Variants in KCNMB2 observed in about 807,000 individuals in gnomAD.
KCNMB2 encodes the protein potassium calcium-activated channel subfamily M regulatory beta subunit 2, also known as calcium-activated potassium channel subunit beta-2.
KCNMB2 carries 9 observed loss-of-function variants against 24.5 expected under a neutral mutation model. The observed-to-expected ratio is 0.37, with a 90% CI of 0.22 to 0.64. The LOEUF is 0.64. Ranked by LOEUF, KCNMB2 falls within the 30% of genes least tolerant of loss-of-function variation. The pLI is 0.63. For synonymous variants in KCNMB2, 109 were observed against 104.4 expected (o/e 1.04, Z -0.27); for missense variants, 226 against 284.3 (o/e 0.79, Z 1.47).
At chr3:178,830,865 T>C (rs910083639) in intron 4 of KCNMB2, among the ~76,000 whole-genome samples, 2 of 152,190 alleles carry the variant, frequency 1.3e-5, no homozygotes, top group South Asian at 4.1e-4. Flanking sequence ...TCTCGCATTA[T>C]GTGGCCTTTT....
intron 1 of KCNMB2, among the ~76,000 whole-genome samples, chr3:178,716,791 T>G (rs913580416): frequency 2.0e-5 from 3 of 152,138 alleles, no homozygotes; most frequent in Non-Finnish European, 4.4e-5. Flanking sequence ...GTTTTCCACA[T>G]ATATGCATAT....
At chr3:178,578,297 G>A (rs1292092006) in intron 1 of KCNMB2, among the ~76,000 whole-genome samples, 1 of 152,174 alleles carries the variant, frequency 6.6e-6, no homozygotes, top group Non-Finnish European at 1.5e-5. Flanking sequence ...AAGCAAAGGA[G>A]AAATCAATTA....
chr3:178,730,809 A>G (rs1266335118), intron 1 of KCNMB2, among the ~76,000 whole-genome samples: 1 of 151,940 alleles, frequency 6.6e-6, no homozygotes, highest in Non-Finnish European at 1.5e-5. Context: ...TCTTTCCTCA[A>G]ATCTTCACAT....
intron 1 of KCNMB2, among the ~76,000 whole-genome samples, chr3:178,734,183 C>T (rs904979974): frequency 2.6e-5 from 4 of 152,160 alleles, no homozygotes; most frequent in African/African-American, 9.7e-5. Context: ...GTTTCATATG[C>T]ACCTTATACA....
At chr3:178,614,443 A>C (rs1012071721) in intron 1 of KCNMB2, among the ~76,000 whole-genome samples, 56 of 150,590 alleles carry the variant, frequency 3.7e-4, no homozygotes, top group African/African-American at 1.3e-3. Flanking sequence ...TCATGGTGGC[A>C]GACAAGAGAA....
intron 2 of KCNMB2, among the ~76,000 whole-genome samples, chr3:178,824,030 C>A (rs529040892): frequency 5.3e-5 from 8 of 152,286 alleles, no homozygotes; most frequent in African/African-American, 1.9e-4. Context: ...CAATCCAAAG[C>A]TCCCTTCTCA....
intron 1 of KCNMB2, among the ~76,000 whole-genome samples, chr3:178,626,573 C>T (rs1292005330): frequency 6.6e-6 from 1 of 152,130 alleles, no homozygotes; most frequent in African/African-American, 2.4e-5. Context: ...TGTCCTTCTT[C>T]ACAAGGCAGC....
chr3:178,601,565 T>C (rs909698233), intron 1 of KCNMB2, among the ~76,000 whole-genome samples: 6 of 152,164 alleles, frequency 3.9e-5, no homozygotes, highest in Non-Finnish European at 7.4e-5. Flanking sequence ...ACAAGAAGTA[T>C]AGAAAAATTA....
intron 1 of KCNMB2, among the ~76,000 whole-genome samples, chr3:178,617,386 A>G (rs1718744588): frequency 6.7e-6 from 1 of 149,698 alleles, no homozygotes; most frequent in Non-Finnish European, 1.5e-5. Flanking sequence ...GTGAAACCGA[A>G]TCTCTACTAA....
At chr3:178,691,540 A>G (rs1348116388) in intron 1 of KCNMB2, among the ~76,000 whole-genome samples, 1 of 152,108 alleles carries the variant, frequency 6.6e-6, no homozygotes, top group Non-Finnish European at 1.5e-5. Flanking sequence ...TCATTTGCTA[A>G]GGATAAAGGC....
chr3:178,585,567 G>C (rs1331276854), intron 1 of KCNMB2, among the ~76,000 whole-genome samples: 2 of 152,144 alleles, frequency 1.3e-5, no homozygotes, highest in African/African-American at 4.8e-5. Flanking sequence ...CAGATTCCAT[G>C]ATCAGCAATC....
chr3:178,548,269 T>C (rs1715839127), intron 1 of KCNMB2, among the ~76,000 whole-genome samples: 1 of 152,196 alleles, frequency 6.6e-6, no homozygotes, highest in Non-Finnish European at 1.5e-5. Flanking sequence ...CCAAATACTA[T>C]AGATAGATCT....
chr3:178,807,339 C>G lies in KCNMB2; in HGVS notation c.-67-4C>G. ...CTGTTAACTTCATTGTGTACCTCTT[C>G]TAGGTCTTTTTGCCATTCCTCCAGG... On this transcript the variant is annotated splice_region_variant and splice_polypyrimidine_tract_variant and intron_variant, in intron 1 of 4. Transcript: ENST00000452583. The G allele has an allele frequency of 1.6e-6, 2 of 1,263,886 alleles. No individual in the cohort carries two copies. The highest frequency in any genetic ancestry group is 2.3e-6 in the Non-Finnish European group (2 of 866,992). 78.3% of individuals were successfully genotyped at this position (1,263,886 alleles called of 1,614,324 possible).
chr3:178,706,007 C>A (rs984107502), intron 1 of KCNMB2, among the ~76,000 whole-genome samples: 31 of 152,096 alleles, frequency 2.0e-4, no homozygotes, highest in African/African-American at 7.5e-4. Context: ...ACACATCAGA[C>A]CAAGACACAC....
chr3:178,573,011 T>A (rs1459299612), intron 1 of KCNMB2, among the ~76,000 whole-genome samples: 1 of 152,114 alleles, frequency 6.6e-6, no homozygotes, highest in African/African-American at 2.4e-5. Flanking sequence ...GTAAATACAT[T>A]TGAGGAAGAA....
At chr3:178,584,707 C>CAA (rs58169174) in intron 1 of KCNMB2, among the ~76,000 whole-genome samples, 5 of 146,858 alleles carry the variant, frequency 3.4e-5, no homozygotes, top group African/African-American at 1.2e-4. Context: ...ATAAAGAAAC[C>CAA]AAAAAAAAAA....
intron 1 of KCNMB2, among the ~76,000 whole-genome samples, chr3:178,734,222 T>A (rs1403835119): frequency 6.6e-6 from 1 of 152,198 alleles, no homozygotes; most frequent in Non-Finnish European, 1.5e-5. Flanking sequence ...TTAGACAATA[T>A]TTTTTACTAA....
chr3:178,581,335 T>C (rs1478090158), intron 1 of KCNMB2, among the ~76,000 whole-genome samples: 2 of 152,098 alleles, frequency 1.3e-5, no homozygotes, highest in African/African-American at 4.8e-5. Context: ...TGAAACTGGA[T>C]CCCTTCCTTA....
At chr3:178,597,730 G>A (rs1717927941) in intron 1 of KCNMB2, among the ~76,000 whole-genome samples, 1 of 152,110 alleles carries the variant, frequency 6.6e-6, no homozygotes, top group African/African-American at 2.4e-5. Flanking sequence ...ATACTCAAAT[G>A]ATGTGCTCCT....
Sources: allele counts gnomAD v4.1 joint callset (sites outside exome capture counted in the v4.1 genomes callset), GRCh38; gene constraint gnomAD v4.1.1; transcripts MANE v1.5; gene names NCBI Gene and HGNC (gene_info 2026-07-23, HGNC 2026-07-21).